Variants in CDYL observed in about 807,000 individuals in gnomAD.
CDYL encodes the protein chromodomain Y-like protein.
In CDYL, 8 loss-of-function variants were observed where a neutral mutation model predicts 47.3. The ratio of observed to expected loss-of-function variants is 0.17; its 90% confidence interval spans 0.10 to 0.31. CDYL has a LOEUF of 0.31. Ranked by LOEUF, CDYL falls within the 10% of genes least tolerant of loss-of-function variation. CDYL has a pLI of 1.00. For missense variants in CDYL, 471 were observed against 701.4 expected, an observed-to-expected ratio of 0.67 and a Z score of 3.71; for synonymous variants, 266 against 265.0, an observed-to-expected ratio of 1.00 and a Z score of -0.04.
Position 4,917,388 on chromosome 6 carries a change from G to T in CDYL, c.692-18127G>T, listed in dbSNP as rs75074184. ...ACCACAAGACTGACTGTTTCTGTGTGGTGGTTCTGCCGCTAGCTTCTTGTT... is the reference window on the plus strand; with the variant it reads ...ACCACAAGACTGACTGTTTCTGTGTTGTGGTTCTGCCGCTAGCTTCTTGTT... On this transcript the variant is annotated intron_variant, in intron 2 of 6. Coordinates refer to ENST00000397588, the MANE Select transcript of CDYL (RefSeq NM_004824.4). 1.6e-3 allele frequency among the ~76,000 whole-genome samples: 250 copies of T among 152,266 alleles called. 5 individuals carry two copies. Among genetic ancestry groups the T allele is most frequent in the East Asian group, 0.015 (76 of 5,186 alleles).
At chr6:4,931,804 A>T (rs142250839) in intron 2 of CDYL, among the ~76,000 whole-genome samples, 7 of 152,246 alleles carry the variant, frequency 4.6e-5, no homozygotes, top group African/African-American at 1.4e-4. Context: ...ACGAGGAGCC[A>T]ACACAGTTTT....
At chr6:4,793,356 G>A (rs1222544994) in intron 1 of CDYL, among the ~76,000 whole-genome samples, 1 of 152,144 alleles carries the variant, frequency 6.6e-6, no homozygotes, top group Non-Finnish European at 1.5e-5. Context: ...GGCTGGTGGG[G>A]GTGGTGTTAT....
intron 1 of CDYL, among the ~76,000 whole-genome samples, chr6:4,804,954 TA>T (rs113840904): frequency 0.01 from 1,538 of 152,300 alleles, 38 homozygotes; most frequent in African/African-American, 0.035. Flanking sequence ...ACACTTGTTT[TA>T]AATAAGAGAA....
intron 3 of CDYL, among the ~76,000 whole-genome samples, chr6:4,758,993 A>T (rs972561686): frequency 1.4e-4 from 17 of 120,538 alleles, no homozygotes; most frequent in African/African-American, 5.0e-4. Context: ...TTTGAGATGG[A>T]GTCTCGTTCT....
At chr6:4,924,229 A>G (rs145655793) in intron 2 of CDYL, among the ~76,000 whole-genome samples, 10 of 152,276 alleles carry the variant, frequency 6.6e-5, no homozygotes, top group Admixed American at 5.2e-4. Context: ...TTTGGCACTT[A>G]ATTTTTTGGA....
At chr6:4,831,375 G>T (rs1310579565) in intron 1 of CDYL, among the ~76,000 whole-genome samples, 3 of 152,176 alleles carry the variant, frequency 2.0e-5, no homozygotes, top group Non-Finnish European at 2.9e-5. Flanking sequence ...GTTTGTCAAA[G>T]ATCAGATAGT....
chr6:4,748,745 GGAA>G (rs1165710204), intron 3 of CDYL, among the ~76,000 whole-genome samples: 14 of 152,020 alleles, frequency 9.2e-5, no homozygotes, highest in African/African-American at 3.1e-4. Flanking sequence ...AACTAAAGAT[GGAA>G]GAAGGAGAGG....
intron 2 of CDYL, among the ~76,000 whole-genome samples, chr6:4,923,601 G>A (rs959254164): frequency 2.6e-5 from 4 of 151,964 alleles, no homozygotes; most frequent in Non-Finnish European, 5.9e-5. Context: ...AGTGATTGCC[G>A]GATCATATGG....
intron 3 of CDYL, among the ~76,000 whole-genome samples, chr6:4,757,098 A>G (rs1030498446): frequency 6.6e-6 from 1 of 152,100 alleles, no homozygotes; most frequent in Non-Finnish European, 1.5e-5. Context: ...CAGAATATAA[A>G]CTCCAACTAT....
At chr6:4,875,890 C>T (rs1761607942) in intron 1 of CDYL, among the ~76,000 whole-genome samples, 2 of 152,140 alleles carry the variant, frequency 1.3e-5, no homozygotes, top group African/African-American at 4.8e-5. Context: ...GAGACATACC[C>T]CTAAAAATAC....
At chr6:4,925,961 A>AC (rs1422185588) in intron 2 of CDYL, among the ~76,000 whole-genome samples, 1 of 152,186 alleles carries the variant, frequency 6.6e-6, no homozygotes, top group Non-Finnish European at 1.5e-5. Context: ...ATAACATACA[A>AC]CTAGTTAGGT....
intron 1 of CDYL, among the ~76,000 whole-genome samples, chr6:4,787,804 G>A (rs1173486641): frequency 8.6e-6 from 1 of 116,696 alleles, no homozygotes; most frequent in Non-Finnish European, 1.6e-5. Context: ...ACAGAGTCTC[G>A]CTCTGTTGCC....
intron 1 of CDYL, among the ~76,000 whole-genome samples, chr6:4,880,257 G>A (rs1761729511): frequency 6.6e-6 from 1 of 152,088 alleles, no homozygotes; most frequent in African/African-American, 2.4e-5. Flanking sequence ...TTTACAATAT[G>A]TTGTATAGTT....
chr6:4,886,635 T>C (rs1270197759), intron 1 of CDYL, among the ~76,000 whole-genome samples: 3 of 151,336 alleles, frequency 2.0e-5, no homozygotes, highest in Non-Finnish European at 4.4e-5. Context: ...AAAACAATTT[T>C]TTTCCTCCCA....
At chr6:4,884,068 C>T (rs997028963) in intron 1 of CDYL, among the ~76,000 whole-genome samples, 2 of 152,174 alleles carry the variant, frequency 1.3e-5, no homozygotes, top group African/African-American at 4.8e-5. Context: ...TTGTCCATGA[C>T]GTTCTCTAAA....
chr6:4,779,338 G>A (rs1410327486), intron 1 of CDYL, among the ~76,000 whole-genome samples: 2 of 152,142 alleles, frequency 1.3e-5, no homozygotes, highest in African/African-American at 4.8e-5. Context: ...ATTGACAGGA[G>A]GAAATGTGAA....
intron 1 of CDYL, among the ~76,000 whole-genome samples, chr6:4,715,348 G>C: frequency 6.6e-6 from 1 of 152,192 alleles, no homozygotes; most frequent in East Asian, 1.9e-4. Flanking sequence ...GAAAGGGGAT[G>C]GTCCTTAAGC....
At chr6:4,750,738 G>A (rs2127419848) in intron 3 of CDYL, among the ~76,000 whole-genome samples, 1 of 152,002 alleles carries the variant, frequency 6.6e-6, no homozygotes, top group East Asian at 1.9e-4. Flanking sequence ...TGTACATACT[G>A]TAAGTATATA....
intron 3 of CDYL, among the ~76,000 whole-genome samples, chr6:4,739,983 TAC>T (rs1019711137): frequency 6.6e-6 from 1 of 151,886 alleles, no homozygotes; most frequent in Non-Finnish European, 1.5e-5. Context: ...AAGTAATTGA[TAC>T]ACACTAAATT....
Sources: allele counts gnomAD v4.1 joint callset (sites outside exome capture counted in the v4.1 genomes callset), GRCh38; gene constraint gnomAD v4.1.1; transcripts MANE v1.5; gene names NCBI Gene and HGNC (gene_info 2026-07-23, HGNC 2026-07-21).